Variants in SMAD2 observed in about 807,000 individuals in gnomAD.
The protein encoded by SMAD2 is MAD homolog 2.
In SMAD2, 8 loss-of-function variants were observed where a neutral mutation model predicts 64.4. That is an observed-to-expected ratio of 0.12 (90% CI 0.07 to 0.22). The LOEUF (loss-of-function observed/expected upper bound fraction) is 0.22. Ranked by LOEUF, SMAD2 falls within the 10% of genes least tolerant of loss-of-function variation. The pLI is 1.00. For synonymous variants in SMAD2, 203 were observed against 195.8 expected, an observed-to-expected ratio of 1.04 and a Z score of -0.31; for missense variants, 289 against 561.2, an observed-to-expected ratio of 0.51 and a Z score of 4.90.
At position 47,832,807 on chromosome 18, in the gene SMAD2, A is replaced by G. The variant is rs1913054834; in HGVS notation, c.*9020T>C. ...GCTAATGTAGCATAGGCAAACTCTGAAATAAATAAAAATGTATAAATAGCA... is the reference window on the plus strand; with the variant it reads ...GCTAATGTAGCATAGGCAAACTCTGGAATAAATAAAAATGTATAAATAGCA... On this transcript the variant is annotated 3_prime_UTR_variant, in exon 11 of 11. Transcript: ENST00000262160. 1 of 152,394 alleles carries G rather than the reference A, an allele frequency of 6.6e-6. No homozygotes were observed. The highest frequency in any genetic ancestry group is 1.5e-5 in the Non-Finnish European group (1 of 68,148). The allele number at this position is 152,394 out of a possible 1,614,324, so 9.4% of individuals were successfully genotyped here. A position where few individuals can be genotyped will look rare whatever the true frequency, so the allele number is the denominator to read the frequency against.
intron 3 of SMAD2, among the ~76,000 whole-genome samples, chr18:47,869,873 T>C (rs1422194254): frequency 3.3e-5 from 5 of 152,150 alleles, no homozygotes; most frequent in African/African-American, 7.2e-5. Context: ...AATGATGTGA[T>C]AGTAACTTCC....
At chr18:47,891,145 A>G (rs543803451) in intron 2 of SMAD2, among the ~76,000 whole-genome samples, 1 of 152,236 alleles carries the variant, frequency 6.6e-6, no homozygotes, top group Admixed American at 6.5e-5. Context: ...TCTCTACTAA[A>G]AAATACAAAA....
In SMAD2 at chr18:47,850,331, AAT is replaced by A. The variant is rs1217156263; in HGVS notation, c.784+941_784+942del. Among the ~76,000 whole-genome samples the A allele has an allele frequency of 1.2e-3, 51 of 41,744 alleles. 5 individuals carry two copies. The highest frequency in any genetic ancestry group is 4.7e-3 in the African/African-American group (42 of 8,894). The allele number at this position is 41,744 out of a possible 152,430, so 27.4% of individuals were successfully genotyped here. A position where few individuals can be genotyped will look rare whatever the true frequency, so the allele number is the denominator to read the frequency against. The stretch of plus-strand genomic sequence containing the variant: ...TGTATGTTATATACATATTATGTAT[AAT>A]ATATGTTATATATATTATACATAAT... On this transcript the variant is annotated intron_variant, in intron 7 of 10. Transcript: ENST00000262160.
At chr18:47,857,143 T>C (rs2030773847) in intron 6 of SMAD2, among the ~76,000 whole-genome samples, 1 of 152,244 alleles carries the variant, frequency 6.6e-6, no homozygotes, top group Non-Finnish European at 1.5e-5. Context: ...TTTTTTATAA[T>C]GAACATCCAT....
At chr18:47,850,710 ATATATATAT>A (rs1353439246) in intron 7 of SMAD2, among the ~76,000 whole-genome samples, 2 of 20,396 alleles carry the variant, frequency 9.8e-5, no homozygotes, top group Non-Finnish European at 1.4e-4. Flanking sequence ...ATTATATACT[ATATATATAT>A]TATATATATT....
intron 1 of SMAD2, among the ~76,000 whole-genome samples, chr18:47,924,704 C>G (rs1180651142): frequency 6.6e-6 from 1 of 152,104 alleles, no homozygotes; most frequent in East Asian, 1.9e-4. Flanking sequence ...TCAAAGTGAT[C>G]CGCCCGCCTC....
At chr18:47,884,854 A>G (rs2032799317) in intron 2 of SMAD2, among the ~76,000 whole-genome samples, 2 of 152,116 alleles carry the variant, frequency 1.3e-5, no homozygotes, top group African/African-American at 4.8e-5. Flanking sequence ...AACTTTCTCA[A>G]TATTTTCCAC....
rs1348106679 is a variant in SMAD2 at position 47,810,874 on chromosome 18, C to T, written c.*30953G>A. 1.3e-5 allele frequency: 2 copies of T among 152,254 alleles called. No individual in the cohort carries two copies. The highest frequency in any genetic ancestry group is 3.2e-3 in the Middle Eastern group (1 of 316). 9.4% of individuals were successfully genotyped at this position (152,254 alleles called of 1,614,324 possible). Reference sequence around the variant, plus strand: ...TTGCACCATCTTCTGAATTCAGCATCGTCTTCCTTAGACTGTGGGATGCAA... The same window carrying T: ...TTGCACCATCTTCTGAATTCAGCATTGTCTTCCTTAGACTGTGGGATGCAA... On this transcript the variant is annotated 3_prime_UTR_variant, in exon 11 of 11. Transcript: ENST00000262160.
At chr18:47,913,818 G>T (rs927119958) in intron 1 of SMAD2, among the ~76,000 whole-genome samples, 48 of 152,288 alleles carry the variant, frequency 3.2e-4, no homozygotes, top group African/African-American at 1.0e-3. Context: ...GTTCTCTACT[G>T]AAATAAATTT....
intron 6 of SMAD2, among the ~76,000 whole-genome samples, chr18:47,852,001 C>T (rs1568045028): frequency 6.6e-6 from 1 of 152,148 alleles, no homozygotes; most frequent in Non-Finnish European, 1.5e-5. Context: ...TTCCCAGTCA[C>T]AACATAGTAA....
Position 47,904,014 on chromosome 18 carries a change from G to A in SMAD2, c.-53-7205C>T, listed in dbSNP as rs1279799557. ...GCCATAAACTTTTCAAGAGATGACA[G>A]ATATTAATCCACATATGGAAAGAAA... On this transcript the variant is annotated intron_variant, in intron 1 of 10. Transcript: ENST00000262160. 2.6e-5 allele frequency among the ~76,000 whole-genome samples: 4 copies of A among 151,724 alleles called. No individual in the cohort carries two copies. The East Asian group carries it at 7.7e-4, about 29-fold the overall frequency.
At chr18:47,912,123 C>G (rs1447482798) in intron 1 of SMAD2, 2 of 152,104 alleles carry the variant, frequency 1.3e-5, no homozygotes, top group African/African-American at 4.8e-5. Flanking sequence ...AGCATGTTTT[C>G]TAAAGACAGG....
rs749258292 is a variant in SMAD2, at chr18:47,840,334, T to A, written c.*1493A>T. ...CTACTAAGATGCAAACAAGAAGAAATGTTTAAACTGCAATGAGTCAACATC... is the reference window on the plus strand; with the variant it reads ...CTACTAAGATGCAAACAAGAAGAAAAGTTTAAACTGCAATGAGTCAACATC... On this transcript the variant is annotated 3_prime_UTR_variant, in exon 11 of 11. Transcript: ENST00000262160. 2.6e-5 allele frequency: 6 copies of A among 232,760 alleles called. No individual in the cohort carries two copies. Among genetic ancestry groups the A allele is most frequent in the Non-Finnish European group, 2.5e-5 (3 of 117,858 alleles). 14.4% of individuals were successfully genotyped at this position (232,760 alleles called of 1,614,324 possible).
chr18:47,890,771 C>A (rs536353004), intron 2 of SMAD2, among the ~76,000 whole-genome samples: 2 of 152,202 alleles, frequency 1.3e-5, no homozygotes, highest in Non-Finnish European at 2.9e-5. Context: ...GACACACGCA[C>A]ATGCCTATGT....
intron 1 of SMAD2, among the ~76,000 whole-genome samples, chr18:47,897,715 C>A (rs2033503490): frequency 6.6e-6 from 1 of 152,160 alleles, no homozygotes; most frequent in Admixed American, 6.6e-5. Context: ...ACTGTCCCCT[C>A]AATTTTCTAG....
chr18:47,823,622 A>C lies in SMAD2; in HGVS notation c.*18205T>G, dbSNP rs1314947709. ...ACACAAAAGTTCACCATACCAACCA[A>C]TGCCATAGCTAGAGACATTCAAACT... On this transcript the variant is annotated 3_prime_UTR_variant, in exon 11 of 11. Coordinates refer to ENST00000262160, the MANE Select transcript of SMAD2 (RefSeq NM_005901.6). 1.3e-5 allele frequency: 2 copies of C among 152,210 alleles called. No individual in the cohort carries two copies. The highest frequency in any genetic ancestry group is 2.9e-5 in the Non-Finnish European group (2 of 68,036). 9.4% of individuals were successfully genotyped at this position (152,210 alleles called of 1,614,324 possible). A position where few individuals can be genotyped will look rare whatever the true frequency, so the allele number is the denominator to read the frequency against.
intron 1 of SMAD2, among the ~76,000 whole-genome samples, chr18:47,906,458 A>G (rs1456811912): frequency 6.6e-6 from 1 of 152,226 alleles, no homozygotes; most frequent in Non-Finnish European, 1.5e-5. Flanking sequence ...ACAGGAGCAC[A>G]TGAAGAGGTA....
At chr18:47,916,400 T>G (rs200775734) in intron 1 of SMAD2, among the ~76,000 whole-genome samples, 1 of 52,426 alleles carries the variant, frequency 1.9e-5, no homozygotes, top group Admixed American at 1.7e-4. Flanking sequence ...ACAGGTATAT[T>G]TATTTATTTA....
intron 1 of SMAD2, among the ~76,000 whole-genome samples, chr18:47,922,093 T>A (rs2034583936): frequency 6.6e-6 from 1 of 152,142 alleles, no homozygotes; most frequent in Non-Finnish European, 1.5e-5. Flanking sequence ...CAGATAGTGA[T>A]TAAATGTAGA....
Sources: allele counts gnomAD v4.1 joint callset (sites outside exome capture counted in the v4.1 genomes callset), GRCh38; gene constraint gnomAD v4.1.1; transcripts MANE v1.5; gene names NCBI Gene and HGNC (gene_info 2026-07-23, HGNC 2026-07-21).